CNTN4: variants seen among roughly 807,000 people sequenced by gnomAD.
The protein encoded by CNTN4 is contactin-4.
In CNTN4, 77 loss-of-function variants were observed where a neutral mutation model predicts 122.5. The ratio of observed to expected loss-of-function variants is 0.63; its 90% CI spans 0.52 to 0.76. The LOEUF is 0.76. Among genes scored for constraint, CNTN4 ranks in the 30% least tolerant of loss-of-function variants. The pLI is 0.00. For missense variants in CNTN4, 1,256 were observed against 1,259.1 expected (o/e 1.00, Z 0.04); for synonymous variants, 512 against 447.0 (o/e 1.15, Z -1.83).
chr3:2,766,513 A>G (rs2090866932), intron 6 of CNTN4, among the ~76,000 whole-genome samples: 3 of 152,358 alleles, frequency 2.0e-5, no homozygotes, highest in South Asian at 4.1e-4. Flanking sequence ...CAAACATCGT[A>G]TATTTTCACT....
intron 3 of CNTN4, among the ~76,000 whole-genome samples, chr3:2,483,573 T>C (rs1236824210): frequency 6.6e-6 from 1 of 152,146 alleles, no homozygotes; most frequent in African/African-American, 2.4e-5. Context: ...ATCCCATAAT[T>C]CCCATGTGTT....
chr3:2,593,880 CAGTT>C (rs980167121), intron 4 of CNTN4, among the ~76,000 whole-genome samples: 16 of 152,114 alleles, frequency 1.1e-4, no homozygotes, highest in African/African-American at 3.6e-4. Flanking sequence ...TGTGATGTCC[CAGTT>C]AGTTCCAAGC....
intron 6 of CNTN4, among the ~76,000 whole-genome samples, chr3:2,809,539 T>C (rs1366959537): frequency 6.6e-6 from 1 of 152,152 alleles, no homozygotes; most frequent in African/African-American, 2.4e-5. Context: ...TATTCTGAAA[T>C]TGACCAGGCC....
rs541580878 is a variant in CNTN4, at chr3:2,770,009, G to C, written c.358+24312G>C. On this transcript the variant is annotated intron_variant, in intron 6 of 24. Coordinates refer to ENST00000418658, the MANE Select transcript of CNTN4 (RefSeq NM_175607.3). ...AGTGACTTCTCTTCCATCTCTCTCT[G>C]TCTCTTTTTGTTTGTTTGTTTGTTT... Among the ~76,000 whole-genome samples the C allele has an allele frequency of 4.2e-3, 512 of 123,090 alleles. 3 individuals carry two copies. The highest frequency in any genetic ancestry group is 0.014 in the African/African-American group (499 of 34,436). The allele number at this position is 123,090 out of a possible 152,430, so 80.8% of individuals were successfully genotyped here. A position where few individuals can be genotyped will look rare whatever the true frequency, so the allele number is the denominator to read the frequency against.
chr3:2,855,395 C>T (rs2150717084), intron 7 of CNTN4, among the ~76,000 whole-genome samples: 1 of 152,256 alleles, frequency 6.6e-6, no homozygotes, highest in African/African-American at 2.4e-5. Context: ...TCTCACTTTC[C>T]CTGTCTCTCC....
At chr3:2,399,053 T>C (rs1439047427) in intron 3 of CNTN4, among the ~76,000 whole-genome samples, 1 of 152,048 alleles carries the variant, frequency 6.6e-6, no homozygotes, top group Non-Finnish European at 1.5e-5. Context: ...GAAAATATCC[T>C]TTGGTCCAAC....
intron 4 of CNTN4, among the ~76,000 whole-genome samples, chr3:2,620,531 C>G (rs934496372): frequency 2.0e-5 from 3 of 151,778 alleles, no homozygotes; most frequent in African/African-American, 7.3e-5. Flanking sequence ...ATTAAGGGTC[C>G]ATAGAAATCT....
At chr3:2,171,718 G>A (rs558146920) in intron 2 of CNTN4, among the ~76,000 whole-genome samples, 1 of 152,252 alleles carries the variant, frequency 6.6e-6, no homozygotes, top group South Asian at 2.1e-4. Flanking sequence ...AGTTATGAGG[G>A]AAACATAGTC....
chr3:2,928,014 G>A (rs1466514283), intron 13 of CNTN4, among the ~76,000 whole-genome samples: 1 of 152,202 alleles, frequency 6.6e-6, no homozygotes, highest in Non-Finnish European at 1.5e-5. Flanking sequence ...CTGGCCAGGT[G>A]TAGTATATAG....
intron 4 of CNTN4, among the ~76,000 whole-genome samples, chr3:2,644,981 G>A (rs886481922): frequency 4.0e-5 from 6 of 151,150 alleles, no homozygotes; most frequent in Non-Finnish European, 8.8e-5. Flanking sequence ...AAACTAAGTG[G>A]CAAAGAAAAA....
intron 2 of CNTN4, among the ~76,000 whole-genome samples, chr3:2,279,375 C>T (rs2041633972): frequency 6.6e-6 from 1 of 152,120 alleles, no homozygotes; most frequent in African/African-American, 2.4e-5. Flanking sequence ...TAATGAGCAA[C>T]TTTCACAATG....
intron 12 of CNTN4, among the ~76,000 whole-genome samples, chr3:2,922,584 G>T (rs1480134558): frequency 6.7e-6 from 1 of 148,202 alleles, no homozygotes; most frequent in Non-Finnish European, 1.5e-5. Context: ...TAAGTAAATT[G>T]AGTTAACAAA....
At chr3:3,021,576 G>T (rs1223137277) in intron 14 of CNTN4, among the ~76,000 whole-genome samples, 3 of 152,128 alleles carry the variant, frequency 2.0e-5, no homozygotes, top group African/African-American at 7.2e-5. Flanking sequence ...CAAGAAATTT[G>T]TTAACAAAAG....
At chr3:2,149,160 G>C (rs1013188950) in intron 2 of CNTN4, among the ~76,000 whole-genome samples, 1 of 152,138 alleles carries the variant, frequency 6.6e-6, no homozygotes, top group Non-Finnish European at 1.5e-5. Flanking sequence ...TCAGCTATTA[G>C]GTTATTACAT....
In CNTN4 at chr3:2,883,144, G is replaced by A. The variant is rs759570689; in HGVS notation, c.653-1G>A. 6.2e-7 allele frequency: 1 copy of A among 1,605,966 alleles called. No individual in the cohort carries two copies. Among genetic ancestry groups the A allele is most frequent in the Admixed American group, 1.7e-5 (1 of 59,940 alleles). On this transcript the variant is annotated splice_acceptor_variant, in intron 8 of 24. Coordinates refer to ENST00000418658, the MANE Select transcript of CNTN4 (RefSeq NM_175607.3). LOFTEE classifies it high-confidence loss of function. ...GACTTAGCCCCTTTATTTATTCACAGGAGTGATGGGTGAATATGAGCCCAA... is the reference window on the plus strand; with the variant it reads ...GACTTAGCCCCTTTATTTATTCACAAGAGTGATGGGTGAATATGAGCCCAA...
chr3:2,683,112 C>T (rs894738297), intron 4 of CNTN4, among the ~76,000 whole-genome samples: 17 of 152,076 alleles, frequency 1.1e-4, no homozygotes, highest in South Asian at 2.1e-4. Context: ...ATAGCATGCC[C>T]ATCTCCCAGA....
intron 2 of CNTN4, among the ~76,000 whole-genome samples, chr3:2,106,906 C>G (rs1299951376): frequency 6.6e-6 from 1 of 152,200 alleles, no homozygotes; most frequent in Non-Finnish European, 1.5e-5. Context: ...CCACAGATCT[C>G]TAGGGCAGGG....
intron 3 of CNTN4, among the ~76,000 whole-genome samples, chr3:2,512,101 C>T (rs2076904178): frequency 6.6e-6 from 1 of 151,882 alleles, no homozygotes; most frequent in African/African-American, 2.4e-5. Context: ...CCTGTATTTC[C>T]AGAATTTAAA....
chr3:2,822,940 T>G (rs971381516), intron 7 of CNTN4, among the ~76,000 whole-genome samples: 12 of 151,676 alleles, frequency 7.9e-5, no homozygotes, highest in African/African-American at 2.9e-4. Context: ...GGCGTGCACA[T>G]TAACGCTGTG....
Sources: gnomAD v4.1 joint callset for allele counts (sites outside exome capture counted in the v4.1 genomes callset) on GRCh38, gnomAD v4.1.1 for gene constraint, MANE v1.5 for transcripts, NCBI Gene and HGNC (gene_info 2026-07-23, HGNC 2026-07-21) for gene names.